ZNF471: variants seen among roughly 807,000 people sequenced by gnomAD.
The protein encoded by ZNF471 is EZFIT-related protein 1.
ZNF471 carries 7 observed loss-of-function variants against 13.7 expected under a neutral mutation model. The observed-to-expected ratio is 0.51, with a 90% CI of 0.29 to 0.96. The LOEUF is 0.96. Ranked by LOEUF, ZNF471 falls within the 40% of genes least tolerant of loss-of-function variation. ZNF471 has a pLI of 0.08. For missense variants in ZNF471, 663 were observed against 743.3 expected (o/e 0.89, Z 1.26); for synonymous variants, 218 against 235.6 (o/e 0.93, Z 0.68).
chr19:56,518,991 A>G (rs571937814), intron 4 of ZNF471, among the ~76,000 whole-genome samples: 10 of 152,284 alleles, frequency 6.6e-5, no homozygotes, highest in Middle Eastern at 6.8e-3. Context: ...AGCAGATAGG[A>G]AAAATCTAAA....
Position 56,516,482 on chromosome 19 carries a change from T to C in ZNF471, c.160+81T>C, listed in dbSNP as rs185748967. On this transcript the variant is annotated intron_variant, in intron 3 of 4. Transcript: ENST00000308031. This position sits in a 1 kb window ranked among gnomAD's most constrained non-coding sequence, Gnocchi z 4.4. ...TATTATTAAATTTGCTTTTATTATATGTAGGTCAGAATGGAATTTGGGAAT... is the reference window on the plus strand; with the variant it reads ...TATTATTAAATTTGCTTTTATTATACGTAGGTCAGAATGGAATTTGGGAAT... 4.5e-6 allele frequency: 6 copies of C among 1,324,316 alleles called. No homozygotes were observed. In the East Asian group the frequency reaches 1.5e-4, roughly 33 times the overall value. 82.0% of individuals were successfully genotyped at this position (1,324,316 alleles called of 1,614,324 possible).
In ZNF471 at chr19:56,525,876, A is replaced by G. The variant is rs779970050; in HGVS notation, c.1809A>G (p.Glu603=). The G allele has an allele frequency of 6.2e-7, 1 of 1,601,422 alleles. No homozygotes were observed. The highest frequency in any genetic ancestry group is 2.2e-5 in the East Asian group (1 of 44,780). The change falls in exon 5 of 5, where the codon GAA becomes GAG. Residue 603 remains glutamate (E), a synonymous_variant. Coordinates refer to ENST00000308031, the MANE Select transcript of ZNF471 (RefSeq NM_020813.4). ...GCCAAAGGCCCTATCAGTGTTTTGA[A>G]TGTGGGAAGGCGTTCAGAAGAAAGT... The part of the protein sequence containing the change: ...HTGQRPYQCF[E]CGKAFRRKLS...
Position 56,526,124 on chromosome 19 carries a change from A to G in ZNF471, c.*176A>G, listed in dbSNP as rs1166285410. On this transcript the variant is annotated 3_prime_UTR_variant, in exon 5 of 5. Coordinates refer to ENST00000308031, the MANE Select transcript of ZNF471 (RefSeq NM_020813.4). The stretch of plus-strand genomic sequence containing the variant: ...TGATCTGCAGTTCCCAGTGAGATCA[A>G]CGCAGAAGGTGGGTGCTTTCTGTAT... 2 of 586,922 alleles carry G rather than the reference A, an allele frequency of 3.4e-6. No homozygotes were observed. The highest frequency in any genetic ancestry group is 3.6e-5 in the Admixed American group (1 of 27,980). 36.4% of individuals were successfully genotyped at this position (586,922 alleles called of 1,614,324 possible).
Position 56,524,311 on chromosome 19 carries a change from T to A in ZNF471, c.257-13T>A, listed in dbSNP as rs751564920. 8.0e-6 allele frequency: 12 copies of A among 1,502,296 alleles called. 1 individual carries two copies. Among genetic ancestry groups the A allele is most frequent in the South Asian group, 5.6e-5 (4 of 71,838 alleles). The allele number at this position is 1,502,296 out of a possible 1,614,324, so 93.1% of individuals were successfully genotyped here. ...GATAAAGGGAACATTCACTTTTTTTTAATATCTTTCAGATTGGGAATCTAT... is the reference window on the plus strand; with the variant it reads ...GATAAAGGGAACATTCACTTTTTTTAAATATCTTTCAGATTGGGAATCTAT... On this transcript the variant is annotated splice_polypyrimidine_tract_variant and intron_variant, in intron 4 of 4. Transcript: ENST00000308031. The surrounding 1 kb of genome is among the most constrained non-coding windows in gnomAD (Gnocchi z 4.8).
Position 56,507,876 on chromosome 19 carries a change from G to A in ZNF471, c.-100G>A. 2 of 985,554 alleles carry A rather than the reference G, an allele frequency of 2.0e-6. No individual in the cohort carries two copies. The highest frequency in any genetic ancestry group is 2.4e-6 in the Non-Finnish European group (2 of 830,050). 61.1% of individuals were successfully genotyped at this position (985,554 alleles called of 1,614,324 possible). A position where few individuals can be genotyped will look rare whatever the true frequency, so the allele number is the denominator to read the frequency against. On this transcript the variant is annotated 5_prime_UTR_variant, in exon 1 of 5. Coordinates refer to ENST00000308031, the MANE Select transcript of ZNF471 (RefSeq NM_020813.4). ...ATGGGGGGTTCCAGCGTCGACTCAC[G>A]GAGTCCTTCGGATGAGAGCGTCTGG... is the stretch of plus-strand genomic sequence containing the variant.
chr19:56,516,340 T>C lies in ZNF471; in HGVS notation c.99T>C (p.Pro33=). 1.2e-6 allele frequency: 2 copies of C among 1,613,952 alleles called. No individual in the cohort carries two copies. Among genetic ancestry groups the C allele is most frequent in the South Asian group, 1.1e-5 (1 of 91,076 alleles). Residue 33 remains proline, a synonymous_variant, in exon 3 of 5, where the codon CCT becomes CCC. Coordinates refer to ENST00000308031, the MANE Select transcript of ZNF471 (RefSeq NM_020813.4). This position sits in a 1 kb window ranked among gnomAD's most constrained non-coding sequence, Gnocchi z 4.4. ...AGGAAGAATGGCAATGGATGAACCC[T>C]GCTCAGAAGCGTTTATACAGGAGTA... The part of the protein sequence containing the change: ...FSQEEWQWMN[P]AQKRLYRSMM...
intron 3 of ZNF471, 29 bp from the exon 4 acceptor site, chr19:56,518,453 C>T: frequency 6.3e-7 from 1 of 1,577,010 alleles, no homozygotes; most frequent in African/African-American, 1.3e-5. Context: ...AAAACATGAC[C>T]AATTTTCATG....
Position 56,510,545 on chromosome 19 carries a change from G to T in ZNF471, c.-55-972G>T. ...TGAAGGTGTTGGTGAATCACCACGTGTGCTTATATTCATGTCCTCAGGCAA... is the reference window on the plus strand; with the variant it reads ...TGAAGGTGTTGGTGAATCACCACGTTTGCTTATATTCATGTCCTCAGGCAA... On this transcript the variant is annotated intron_variant, in intron 1 of 4. Coordinates refer to ENST00000308031, the MANE Select transcript of ZNF471 (RefSeq NM_020813.4). This position sits in a 1 kb window ranked among gnomAD's most constrained non-coding sequence, Gnocchi z 4.3. 4.1e-6 allele frequency: 4 copies of T among 985,744 alleles called. No homozygotes were observed. Among genetic ancestry groups the T allele is most frequent in the Non-Finnish European group, 4.8e-6 (4 of 830,006 alleles). The allele number at this position is 985,744 out of a possible 1,614,324, so 61.1% of individuals were successfully genotyped here.
In ZNF471 at chr19:56,508,523, C is replaced by T. The variant is rs1262756905; in HGVS notation, c.-56+603C>T. 6.9e-6 allele frequency among the ~76,000 whole-genome samples: 1 copy of T among 145,822 alleles called. No homozygotes were observed. Among genetic ancestry groups the T allele is most frequent in the South Asian group, 2.3e-4 (1 of 4,414 alleles). On this transcript the variant is annotated intron_variant, in intron 1 of 4. Transcript: ENST00000308031. The surrounding 1 kb of genome is among the most constrained non-coding windows in gnomAD (Gnocchi z 4.7). ...GAGACCAGTGAGTGTGAGAGATGGG[C>T]GTGTGCCTGTGTGTGAAAGGCCGGT...
At chr19:56,513,906 T>A (rs917262442) in intron 2 of ZNF471, among the ~76,000 whole-genome samples, 4 of 152,038 alleles carry the variant, frequency 2.6e-5, no homozygotes, top group African/African-American at 7.2e-5. Context: ...GCAGAGATAG[T>A]GTAGAGAAAT....
rs1336582515 is a variant in ZNF471 at position 56,516,362 on chromosome 19, A to C, written c.121A>C (p.Ser41Arg). ...CCCTGCTCAGAAGCGTTTATACAGG[A>C]GTATGATGTTGGAGAACTATCAGAG... Reference protein sequence around the residue: ...MNPAQKRLYRSMMLENYQSLV... With the variant: ...MNPAQKRLYRRMMLENYQSLV... Residue 41 changes from serine to arginine, a missense_variant, in exon 3 of 5, where the codon AGT becomes CGT. Transcript: ENST00000308031. The surrounding 1 kb of genome is among the most constrained non-coding windows in gnomAD (Gnocchi z 4.4). The C allele has an allele frequency of 6.2e-7, 1 of 1,613,766 alleles. No homozygotes were observed. The highest frequency in any genetic ancestry group is 1.3e-5 in the African/African-American group (1 of 74,920).
rs1026133025 is a variant in ZNF471, at chr19:56,524,565, A to G, written c.498A>G (p.Lys166=). 2 of 1,596,974 alleles carry G rather than the reference A, an allele frequency of 1.3e-6. No individual in the cohort carries two copies. Among genetic ancestry groups the G allele is most frequent in the Non-Finnish European group, 1.7e-6 (2 of 1,175,512 alleles). Residue 166 remains lysine (K), a synonymous_variant, in exon 5 of 5, where the codon AAA becomes AAG. Transcript: ENST00000308031. This position sits in a 1 kb window ranked among gnomAD's most constrained non-coding sequence, Gnocchi z 4.8. ...AATTCAAATATACTAAATTTGGGAA[A>G]TGTATCCATCTGGAAAACATAGAAG... is the stretch of plus-strand genomic sequence containing the variant. The part of the protein sequence containing the change: ...ETEFKYTKFG[K]CIHLENIEES...
intron 3 of ZNF471, among the ~76,000 whole-genome samples, chr19:56,517,215 C>T (rs1215132374): frequency 6.7e-6 from 1 of 150,174 alleles, no homozygotes; most frequent in Non-Finnish European, 1.5e-5. Flanking sequence ...AATCTTGGCC[C>T]ACCACCTCCC....
chr19:56,515,847 T>A (rs1465404915), intron 2 of ZNF471, among the ~76,000 whole-genome samples: 1 of 152,238 alleles, frequency 6.6e-6, no homozygotes, highest in East Asian at 1.9e-4. Context: ...GATGCAGACC[T>A]AAGAAAATTG....
At chr19:56,509,110 G>A (rs926903546) in intron 1 of ZNF471, among the ~76,000 whole-genome samples, 1 of 152,274 alleles carries the variant, frequency 6.6e-6, no homozygotes, top group Non-Finnish European at 1.5e-5. Context: ...CCTGTAGGTT[G>A]ATCACGGTAA....
intron 4 of ZNF471, 151 bp downstream of exon 4, chr19:56,518,728 C>T: frequency 1.8e-6 from 1 of 566,596 alleles, no homozygotes; most frequent in East Asian, 2.9e-5. Flanking sequence ...TTCACATGGG[C>T]CCCTCAAATA....
At position 56,516,237 on chromosome 19, in the gene ZNF471, C is replaced by T. The variant is rs10419939; in HGVS notation, c.34-38C>T. 0.45 allele frequency: 720,465 copies of T among 1,598,924 alleles called. 166,004 individuals are homozygous for T. The highest frequency in any genetic ancestry group is 0.49 in the Middle Eastern group (2,933 of 5,992). ...ATCAACTCAGAGTTATCTTTGGACA[C>T]GAGCATTGGTTGGTTAAGAATATAT... is the stretch of plus-strand genomic sequence containing the variant. On this transcript the variant is annotated intron_variant, in intron 2 of 4. Coordinates refer to ENST00000308031, the MANE Select transcript of ZNF471 (RefSeq NM_020813.4). This position sits in a 1 kb window ranked among gnomAD's most constrained non-coding sequence, Gnocchi z 4.4.
chr19:56,526,093 C>T lies in ZNF471; in HGVS notation c.*145C>T. The T allele has an allele frequency of 1.3e-6, 1 of 749,356 alleles. No homozygotes were observed. The allele number at this position is 749,356 out of a possible 1,614,324, so 46.4% of individuals were successfully genotyped here. A position where few individuals can be genotyped will look rare whatever the true frequency, so the allele number is the denominator to read the frequency against. Reference sequence around the variant, plus strand: ...GGCTGGCAAGATGGCCGAATAGGAACAGCTCTGATCTGCAGTTCCCAGTGA... The same window carrying T: ...GGCTGGCAAGATGGCCGAATAGGAATAGCTCTGATCTGCAGTTCCCAGTGA... On this transcript the variant is annotated 3_prime_UTR_variant, in exon 5 of 5. Coordinates refer to ENST00000308031, the MANE Select transcript of ZNF471 (RefSeq NM_020813.4).
At position 56,527,521 on chromosome 19, in the gene ZNF471, A is replaced by AC. The variant is rs2044062395; in HGVS notation, c.*1574dup. On this transcript the variant is annotated 3_prime_UTR_variant, in exon 5 of 5. Coordinates refer to ENST00000308031, the MANE Select transcript of ZNF471 (RefSeq NM_020813.4). ...GGCTTCAGAAGGTGGGAAATAACAA[A>AC]CTCCTCTGAGCTAAAGGAGCATGTT... 1 of 152,126 alleles carries AC rather than the reference A, an allele frequency of 6.6e-6. No homozygotes were observed. The highest frequency in any genetic ancestry group is 1.9e-4 in the East Asian group (1 of 5,186). 9.4% of individuals were successfully genotyped at this position (152,126 alleles called of 1,614,324 possible).
Sources: gnomAD v4.1 joint callset for allele counts (sites outside exome capture counted in the v4.1 genomes callset) on GRCh38, gnomAD v4.1.1 for gene constraint, Gnocchi (gnomAD v3.1) non-coding constraint, MANE v1.5 for transcripts, NCBI Gene and HGNC (gene_info 2026-07-23, HGNC 2026-07-21) for gene names.